The following PHLDB2 variants were observed in gnomAD, a reference collection of about 807,000 sequenced individuals.
PHLDB2 encodes the protein pleckstrin homology-like domain family B member 2.
A neutral mutation model predicts 123.6 loss-of-function variants in PHLDB2; 71 were observed. The observed-to-expected ratio is 0.57, with a 90% CI of 0.47 to 0.70. The LOEUF is 0.70. Ranked by LOEUF, PHLDB2 falls within the 30% of genes least tolerant of loss-of-function variation. The pLI, the probability that PHLDB2 is intolerant of heterozygous loss-of-function variation, is 0.00. For synonymous variants in PHLDB2, 547 were observed against 541.6 expected (o/e 1.01, Z -0.14); for missense variants, 1,446 against 1,519.5 (o/e 0.95, Z 0.80).
chr3:111,750,900 C>T (rs1287446910), intron 1 of PHLDB2, among the ~76,000 whole-genome samples: 4 of 149,490 alleles, frequency 2.7e-5, no homozygotes, highest in South Asian at 2.1e-4. Context: ...GAGCCAATAT[C>T]GCACCACTGC....
chr3:111,862,187 A>G (rs1217527563), intron 1 of PHLDB2, among the ~76,000 whole-genome samples: 1 of 152,132 alleles, frequency 6.6e-6, no homozygotes, highest in Non-Finnish European at 1.5e-5. Context: ...ATGGCTTTAT[A>G]TCCTGATTTT....
intron 1 of PHLDB2, among the ~76,000 whole-genome samples, chr3:111,826,284 G>A (rs139452020): frequency 6.6e-6 from 1 of 152,134 alleles, no homozygotes; most frequent in Non-Finnish European, 1.5e-5. Flanking sequence ...ACTCCAGCCT[G>A]GGCAACAGAG....
chr3:111,820,154 G>T (rs2062303843), intron 1 of PHLDB2, among the ~76,000 whole-genome samples: 1 of 152,138 alleles, frequency 6.6e-6, no homozygotes, highest in Admixed American at 6.5e-5. Context: ...CACAGCATTG[G>T]CAGGGGACTT....
At chr3:111,953,739 G>A (rs772375811) in intron 11 of PHLDB2, 191 bp from the exon 12 acceptor site, 29 of 466,214 alleles carry the variant, frequency 6.2e-5, no homozygotes, top group Non-Finnish European at 9.6e-5. Flanking sequence ...TTGATATTGC[G>A]ACTACCCTGG....
intron 1 of PHLDB2, among the ~76,000 whole-genome samples, chr3:111,881,773 CTT>C (rs11298720): frequency 0.017 from 2,393 of 137,380 alleles, 103 homozygotes; most frequent in South Asian, 0.16. Flanking sequence ...CCTCACTTTT[CTT>C]TTTTTTTTTT....
intron 1 of PHLDB2, among the ~76,000 whole-genome samples, chr3:111,790,712 A>G (rs1433822697): frequency 6.6e-6 from 1 of 152,188 alleles, no homozygotes; most frequent in Admixed American, 6.5e-5. Flanking sequence ...AATGAAGACA[A>G]TCATAACAGA....
intron 1 of PHLDB2, among the ~76,000 whole-genome samples, chr3:111,869,757 G>A (rs1031473906): frequency 2.0e-5 from 3 of 152,118 alleles, no homozygotes; most frequent in Non-Finnish European, 4.4e-5. Flanking sequence ...ATTTACAGCT[G>A]CCTGTTGTAA....
chr3:111,873,542 G>T (rs1237007313), intron 1 of PHLDB2, among the ~76,000 whole-genome samples: 1 of 152,186 alleles, frequency 6.6e-6, no homozygotes, highest in African/African-American at 2.4e-5. Context: ...ATTTTGACAT[G>T]AGGTATTAAA....
At chr3:111,748,278 A>C (rs1178894077) in intron 1 of PHLDB2, among the ~76,000 whole-genome samples, 2 of 152,126 alleles carry the variant, frequency 1.3e-5, no homozygotes, top group Non-Finnish European at 2.9e-5. Context: ...ACCAACCTTA[A>C]TCTCTAAAGG....
At chr3:111,765,316 G>T (rs1268720048) in intron 1 of PHLDB2, among the ~76,000 whole-genome samples, 1 of 152,222 alleles carries the variant, frequency 6.6e-6, no homozygotes, top group African/African-American at 2.4e-5. Context: ...ATCATGGAAA[G>T]TATTGACTCC....
intron 13 of PHLDB2, among the ~76,000 whole-genome samples, chr3:111,965,013 C>T (rs974017464): frequency 1.3e-5 from 2 of 152,114 alleles, no homozygotes; most frequent in African/African-American, 4.8e-5. Flanking sequence ...CTTATACGTC[C>T]TGCATGCCTG....
At chr3:111,965,412 C>T (rs2071688587) in intron 13 of PHLDB2, among the ~76,000 whole-genome samples, 2 of 152,196 alleles carry the variant, frequency 1.3e-5, no homozygotes, top group Admixed American at 6.5e-5. Context: ...CCTGTGTTCT[C>T]TTCAACAGAA....
chr3:111,761,789 A>G (rs1390293117), intron 1 of PHLDB2, among the ~76,000 whole-genome samples: 1 of 152,202 alleles, frequency 6.6e-6, no homozygotes, highest in Non-Finnish European at 1.5e-5. Flanking sequence ...CCACTGCTTT[A>G]GGCAATACCG....
chr3:111,924,789 A>AGTCTCC (rs2068724839), intron 5 of PHLDB2, among the ~76,000 whole-genome samples: 1 of 152,220 alleles, frequency 6.6e-6, no homozygotes, highest in Non-Finnish European at 1.5e-5. Flanking sequence ...CATAGGAAAA[A>AGTCTCC]GGTTTAATAA....
intron 13 of PHLDB2, among the ~76,000 whole-genome samples, chr3:111,962,745 C>T (rs2071481570): frequency 6.6e-6 from 1 of 151,902 alleles, no homozygotes; most frequent in Non-Finnish European, 1.5e-5. Flanking sequence ...GCCAGACCAA[C>T]ATGGTGAAAC....
At chr3:111,857,141 G>A (rs144791062), upstream of PHLDB2, among the ~76,000 whole-genome samples, 1 of 152,190 alleles carries the variant, frequency 6.6e-6, no homozygotes, top group East Asian at 1.9e-4. Context: ...TGTGGCAGGG[G>A]CTAAGTGAGT....
At chr3:111,781,578 T>C (rs2108109182) in intron 1 of PHLDB2, among the ~76,000 whole-genome samples, 1 of 152,236 alleles carries the variant, frequency 6.6e-6, no homozygotes, top group South Asian at 2.1e-4. Context: ...TGTTCTACCT[T>C]CTAAATAATT....
At chr3:111,929,311 A>C (rs2068981149) in intron 5 of PHLDB2, among the ~76,000 whole-genome samples, 1 of 152,154 alleles carries the variant, frequency 6.6e-6, no homozygotes, top group Admixed American at 6.5e-5. Context: ...ACATTTATGA[A>C]TATTTTTTAA....
At chr3:111,949,141 A>T in intron 10 of PHLDB2, 66 bp downstream of exon 10, 1 of 1,569,842 alleles carries the variant, frequency 6.4e-7, no homozygotes, top group Non-Finnish European at 8.7e-7. Context: ...CCCACGGCCA[A>T]CTGAAAATGA....
Sources: allele counts gnomAD v4.1 joint callset (sites outside exome capture counted in the v4.1 genomes callset), GRCh38; gene constraint gnomAD v4.1.1; transcripts MANE v1.5; gene names NCBI Gene and HGNC (gene_info 2026-07-23, HGNC 2026-07-21).